Variants in ERBIN observed in about 807,000 individuals in gnomAD.
ERBIN encodes erbb2 interacting protein, also known as densin-180-like protein.
In ERBIN, 60 loss-of-function variants were observed where a neutral mutation model predicts 158.4. That is an observed-to-expected ratio of 0.38 (90% CI 0.31 to 0.47). The LOEUF (loss-of-function observed/expected upper bound fraction) is 0.47, where lower values mean the gene tolerates loss of function less well. Among genes scored for constraint, ERBIN ranks in the 20% least tolerant of loss-of-function variants. ERBIN has a pLI of 0.99. For missense variants in ERBIN, 1,610 were observed against 1,648.0 expected (o/e 0.98, Z 0.40); for synonymous variants, 594 against 557.2 (o/e 1.07, Z -0.93).
In ERBIN at chr5:66,048,652, C is replaced by A. The variant is rs745897919; in HGVS notation, c.1789-15C>A. 2 of 1,516,188 alleles carry A rather than the reference C, an allele frequency of 1.3e-6. No individual in the cohort carries two copies. The highest frequency in any genetic ancestry group is 2.3e-5 in the South Asian group (2 of 85,126). The allele number at this position is 1,516,188 out of a possible 1,614,324, so 93.9% of individuals were successfully genotyped here. The stretch of plus-strand genomic sequence containing the variant: ...AAAAATTTAATTTTTATCCCCCTCA[C>A]CCCCTTTTCACTAGGAATCTGAAGA... On this transcript the variant is annotated splice_polypyrimidine_tract_variant and intron_variant, in intron 18 of 25. Coordinates refer to ENST00000284037, the MANE Select transcript of ERBIN (RefSeq NM_001253697.2).
intron 1 of ERBIN, among the ~76,000 whole-genome samples, chr5:65,979,609 T>C (rs1313579849): frequency 2.0e-5 from 3 of 152,164 alleles, no homozygotes; most frequent in African/African-American, 7.2e-5. Context: ...GGCAGGATAA[T>C]ATATGGGGGA....
intron 1 of ERBIN, among the ~76,000 whole-genome samples, chr5:65,978,324 T>A (rs1750264648): frequency 6.6e-6 from 1 of 152,216 alleles, no homozygotes; most frequent in South Asian, 2.1e-4. Context: ...TAATTCTGTC[T>A]GAGATGTTTG....
intron 13 of ERBIN, among the ~76,000 whole-genome samples, chr5:66,026,804 T>C (rs1399928448): frequency 6.6e-6 from 1 of 151,992 alleles, no homozygotes; most frequent in Non-Finnish European, 1.5e-5. Flanking sequence ...TACTGTTCAT[T>C]TTGGGTTGAC....
chr5:66,019,914 T>A (rs934559592), intron 7 of ERBIN, among the ~76,000 whole-genome samples: 1 of 152,100 alleles, frequency 6.6e-6, no homozygotes, highest in African/African-American at 2.4e-5. Context: ...CTCACAATCT[T>A]CTTCACTTTT....
chr5:65,935,215 T>C (rs776188173), intron 1 of ERBIN, among the ~76,000 whole-genome samples: 1 of 152,206 alleles, frequency 6.6e-6, no homozygotes, highest in East Asian at 1.9e-4. Context: ...ATTGGGGTAC[T>C]AAGTGCATTT....
Position 66,078,385 on chromosome 5 carries a change from A to G in ERBIN, c.4132-38A>G, listed in dbSNP as rs755996338. ...TTGGCAGAAATGCAAATAAATAACT[A>G]TAAAATGTTTTTCCTAAAAGCATTT... On this transcript the variant is annotated intron_variant, in intron 25 of 25. Transcript: ENST00000284037. The G allele has an allele frequency of 8.7e-6, 11 of 1,267,844 alleles. No individual in the cohort carries two copies. In the African/African-American group the frequency reaches 1.4e-4, roughly 16 times the overall value. The allele number at this position is 1,267,844 out of a possible 1,614,324, so 78.5% of individuals were successfully genotyped here. A position where few individuals can be genotyped will look rare whatever the true frequency, so the allele number is the denominator to read the frequency against.
chr5:66,036,525 G>A (rs575716319), intron 14 of ERBIN, among the ~76,000 whole-genome samples: 1 of 152,232 alleles, frequency 6.6e-6, no homozygotes, highest in East Asian at 1.9e-4. Flanking sequence ...ATTCAAGATA[G>A]TGGTAAGTGA....
At chr5:65,963,043 A>G (rs894924318) in intron 1 of ERBIN, among the ~76,000 whole-genome samples, 1 of 152,232 alleles carries the variant, frequency 6.6e-6, no homozygotes, top group South Asian at 2.1e-4. Flanking sequence ...TCATTTGAGT[A>G]TCAGGTCATA....
chr5:66,021,718 C>A (rs997665765), intron 8 of ERBIN, among the ~76,000 whole-genome samples: 13 of 152,058 alleles, frequency 8.5e-5, no homozygotes, highest in African/African-American at 2.9e-4. Flanking sequence ...AGTTCTGAAT[C>A]AGAGAGAGCT....
intron 15 of ERBIN, among the ~76,000 whole-genome samples, chr5:66,041,777 T>C (rs1757941747): frequency 6.6e-6 from 1 of 152,052 alleles, no homozygotes. Context: ...AAATAGACTT[T>C]GTTGGAAACT....
At chr5:65,973,268 G>T (rs529200633) in intron 1 of ERBIN, among the ~76,000 whole-genome samples, 48 of 151,030 alleles carry the variant, frequency 3.2e-4, no homozygotes, top group Admixed American at 5.9e-4. Context: ...TGGGGGGAGC[G>T]GGGAGGGAAA....
chr5:65,981,004 T>C (rs1335769579), intron 1 of ERBIN, among the ~76,000 whole-genome samples: 1 of 152,234 alleles, frequency 6.6e-6, no homozygotes, highest in Non-Finnish European at 1.5e-5. Flanking sequence ...GTGACATTCA[T>C]GTACACGTGG....
At chr5:66,026,109 T>TTAACA in intron 12 of ERBIN, 132 bp downstream of exon 12, 1 of 856,630 alleles carries the variant, frequency 1.2e-6, no homozygotes, top group Non-Finnish European at 1.7e-6. Flanking sequence ...TTCTGAATAA[T>TTAACA]TAGCTATGTT....
intron 21 of ERBIN, among the ~76,000 whole-genome samples, chr5:66,067,065 GTTAT>G (rs918040121): frequency 2.0e-5 from 3 of 152,142 alleles, no homozygotes; most frequent in Non-Finnish European, 2.9e-5. Flanking sequence ...GTGTGTGTCT[GTTAT>G]TTATGTATGT....
chr5:66,015,657 G>A (rs929544999), intron 7 of ERBIN, among the ~76,000 whole-genome samples: 2 of 152,030 alleles, frequency 1.3e-5, no homozygotes, highest in African/African-American at 2.4e-5. Flanking sequence ...GCAACAAAGC[G>A]AGACCCCCAT....
At chr5:65,942,754 G>A (rs555763252) in intron 1 of ERBIN, among the ~76,000 whole-genome samples, 1 of 152,166 alleles carries the variant, frequency 6.6e-6, no homozygotes, top group South Asian at 2.1e-4. Context: ...GTGAAACTCT[G>A]TGTCTACTAA....
intron 1 of ERBIN, among the ~76,000 whole-genome samples, chr5:65,970,396 G>A (rs879470012): frequency 3.3e-5 from 5 of 152,088 alleles, no homozygotes; most frequent in Non-Finnish European, 7.4e-5. Context: ...CTAGCCCCCT[G>A]CTGACTACCC....
chr5:65,950,830 G>A (rs1746412217), intron 1 of ERBIN, among the ~76,000 whole-genome samples: 1 of 151,956 alleles, frequency 6.6e-6, no homozygotes, highest in African/African-American at 2.4e-5. Flanking sequence ...CTTTTAAGGG[G>A]TATGTCATTG....
At chr5:65,947,589 T>C (rs1312106080) in intron 1 of ERBIN, among the ~76,000 whole-genome samples, 1 of 152,216 alleles carries the variant, frequency 6.6e-6, no homozygotes, top group African/African-American at 2.4e-5. Context: ...TTAAGTAATT[T>C]AACATAATTG....
Sources: allele counts gnomAD v4.1 joint callset (sites outside exome capture counted in the v4.1 genomes callset), GRCh38; gene constraint gnomAD v4.1.1; transcripts MANE v1.5; gene names NCBI Gene and HGNC (gene_info 2026-07-23, HGNC 2026-07-21).